GPATCH8: variants seen among roughly 807,000 people sequenced by gnomAD.
GPATCH8 encodes G-patch domain containing 8, also known as G patch domain-containing protein 8.
Under a neutral mutation model 118.3 loss-of-function variants are expected in GPATCH8, and 18 were observed. That is an observed-to-expected ratio of 0.15 (90% confidence interval 0.11 to 0.23). The LOEUF (loss-of-function observed/expected upper bound fraction) is 0.23. Among genes scored for constraint, GPATCH8 ranks in the 10% least tolerant of loss-of-function variants. The probability of loss-of-function intolerance (pLI) is 1.00; values close to 1 mark genes in which losing one functional copy is unlikely to be tolerated. For missense variants in GPATCH8, 1,631 were observed against 1,873.8 expected (o/e 0.87, Z 2.39); for synonymous variants, 659 against 684.7 (o/e 0.96, Z 0.59).
At chr17:44,429,890 G>C (rs937984021) in intron 5 of GPATCH8, among the ~76,000 whole-genome samples, 1 of 151,810 alleles carries the variant, frequency 6.6e-6, no homozygotes, top group African/African-American at 2.4e-5. Flanking sequence ...TTAGCTGGAC[G>C]TGGTGGCGCA....
intron 1 of GPATCH8, 93 bp from the exon 2 acceptor site, chr17:44,474,996 C>CTTTT: frequency 1.6e-6 from 1 of 625,802 alleles, no homozygotes; most frequent in Non-Finnish European, 2.9e-6. Flanking sequence ...TTTAACTTTT[C>CTTTT]TTTTTTTTTT....
chr17:44,444,947 T>C (rs2050824607), intron 3 of GPATCH8, among the ~76,000 whole-genome samples: 1 of 152,208 alleles, frequency 6.6e-6, no homozygotes, highest in African/African-American at 2.4e-5. Flanking sequence ...AAATACTTAG[T>C]CATCATGATG....
intron 3 of GPATCH8, among the ~76,000 whole-genome samples, chr17:44,452,114 T>C (rs1433759940): frequency 1.3e-5 from 2 of 151,346 alleles, no homozygotes; most frequent in East Asian, 1.9e-4. Flanking sequence ...CTAATAAAAA[T>C]ACAGGAAAAT....
At chr17:44,455,704 G>GA (rs1457131806) in intron 3 of GPATCH8, among the ~76,000 whole-genome samples, 3 of 152,074 alleles carry the variant, frequency 2.0e-5, no homozygotes, top group African/African-American at 7.2e-5. Context: ...AAAGACTTCA[G>GA]AAAAATGTAT....
chr17:44,451,544 T>C (rs1857284960), intron 3 of GPATCH8, among the ~76,000 whole-genome samples: 1 of 152,158 alleles, frequency 6.6e-6, no homozygotes, highest in Non-Finnish European at 1.5e-5. Context: ...CAACAAAAAT[T>C]ATACAAGATT....
chr17:44,415,188 C>T (rs9905969), intron 6 of GPATCH8, among the ~76,000 whole-genome samples: 91,755 of 151,974 alleles, frequency 0.6, 27,915 homozygotes, highest in Middle Eastern at 0.67. Context: ...AGGGCTCTAA[C>T]TTCTTGATAT....
At chr17:44,475,797 G>A (rs1246506793) in intron 1 of GPATCH8, among the ~76,000 whole-genome samples, 19 of 152,034 alleles carry the variant, frequency 1.2e-4, no homozygotes, top group African/African-American at 4.1e-4. Flanking sequence ...AGGCTGAGGC[G>A]GGAAGATCAC....
rs1968691706 is a variant in GPATCH8, at chr17:44,485,284, A to G, written c.46-10381T>C. 4.6e-5 allele frequency among the ~76,000 whole-genome samples: 7 copies of G among 152,056 alleles called. No individual in the cohort carries two copies. The South Asian group carries it at 1.5e-3, about 32-fold the overall frequency. The stretch of plus-strand genomic sequence containing the variant: ...ACACCCGTCTAATGTTTTCATTTAA[A>G]AATTTTTTTTTGTAGACTTGGAGTC... On this transcript the variant is annotated intron_variant, in intron 1 of 7. Coordinates refer to ENST00000591680, the MANE Select transcript of GPATCH8 (RefSeq NM_001002909.4).
Position 44,397,635 on chromosome 17 carries a change from A to G in GPATCH8, c.4442T>C (p.Leu1481Pro). ...GAAGATGGGGTGAAGTAGTGGGTGA[A>G]GGTGAAGTGCAGTGGCAGCTGCTGC... Reference protein sequence around the residue: ...PAAAAATALHLHPLLHPIFSG... With the variant: ...PAAAAATALHPHPLLHPIFSG... Residue 1481 changes from leucine to proline, a missense_variant, in exon 8 of 8, where the codon CTT (leucine) becomes CCT (proline). Transcript: ENST00000591680. The G allele has an allele frequency of 2.5e-6, 4 of 1,613,758 alleles. No individual in the cohort carries two copies. Among genetic ancestry groups the G allele is most frequent in the Non-Finnish European group, 2.5e-6 (3 of 1,179,792 alleles).
At chr17:44,401,535 T>TATA (rs1339251408) in intron 7 of GPATCH8, 82 bp from the exon 8 acceptor site, 6 of 888,652 alleles carry the variant, frequency 6.8e-6, no homozygotes, top group Non-Finnish European at 1.2e-5. Flanking sequence ...ACTAATCTCT[T>TATA]ATATCCTATC....
At chr17:44,453,498 G>GTGTGTGTGTGTGT (rs1298562128) in intron 3 of GPATCH8, among the ~76,000 whole-genome samples, 8,423 of 129,970 alleles carry the variant, frequency 0.065, 467 homozygotes, top group Middle Eastern at 0.092. Context: ...TAGGTAGGTA[G>GTGTGTGTGTGTGT]GGGTGTGTGT....
At chr17:44,479,112 GAT>G (rs1968010885) in intron 1 of GPATCH8, among the ~76,000 whole-genome samples, 1 of 152,136 alleles carries the variant, frequency 6.6e-6, no homozygotes, top group South Asian at 2.1e-4. Flanking sequence ...CACAAACACA[GAT>G]TATTAGAGAA....
intron 3 of GPATCH8, among the ~76,000 whole-genome samples, chr17:44,445,520 C>T (rs865859674): frequency 2.6e-5 from 4 of 151,826 alleles, no homozygotes; most frequent in South Asian, 4.1e-4. Flanking sequence ...TTTTTCCCCC[C>T]CTAAGATGGA....
At chr17:44,477,069 TATG>T (rs1967841846) in intron 1 of GPATCH8, among the ~76,000 whole-genome samples, 1 of 152,208 alleles carries the variant, frequency 6.6e-6, no homozygotes. Context: ...TGTGGAAAGA[TATG>T]ATAACTTGAA....
intron 3 of GPATCH8, among the ~76,000 whole-genome samples, chr17:44,457,917 T>TAA (rs959279000): frequency 1.3e-5 from 2 of 149,916 alleles, no homozygotes; most frequent in Admixed American, 1.3e-4. Context: ...CCGTCTCTAC[T>TAA]AAAAAAAAAT....
intron 1 of GPATCH8, among the ~76,000 whole-genome samples, chr17:44,501,535 G>A (rs565114968): frequency 6.6e-6 from 1 of 152,196 alleles, no homozygotes; most frequent in Non-Finnish European, 1.5e-5. Context: ...AACCAAAATC[G>A]GGTTTTGCAA....
intron 6 of GPATCH8, chr17:44,407,081 T>C (rs2049260413): frequency 6.6e-6 from 1 of 152,196 alleles, no homozygotes; most frequent in Admixed American, 6.5e-5. Context: ...AGGCATGATG[T>C]TCAACAGACA....
intron 3 of GPATCH8, among the ~76,000 whole-genome samples, chr17:44,440,919 C>T (rs925685111): frequency 3.3e-5 from 5 of 152,136 alleles, no homozygotes; most frequent in Non-Finnish European, 5.9e-5. Context: ...GACGCAATCT[C>T]GGCTCACTGC....
chr17:44,421,251 G>A (rs1489112502), intron 6 of GPATCH8, among the ~76,000 whole-genome samples: 2 of 151,888 alleles, frequency 1.3e-5, no homozygotes, highest in African/African-American at 2.4e-5. Context: ...TGAGGCAGGA[G>A]AATCGCTTGA....
Sources: gnomAD v4.1 joint callset for allele counts (sites outside exome capture counted in the v4.1 genomes callset) on GRCh38, gnomAD v4.1.1 for gene constraint, MANE v1.5 for transcripts, NCBI Gene and HGNC (gene_info 2026-07-23, HGNC 2026-07-21) for gene names.